The following DNAH3 variants were observed in gnomAD, a reference collection of about 807,000 sequenced individuals.
The protein encoded by DNAH3 is dynein axonemal heavy chain 3, also known as axonemal beta dynein heavy chain 3.
In DNAH3, 332 loss-of-function variants were observed where a neutral mutation model predicts 432.5. That is an observed-to-expected ratio of 0.77 (90% CI 0.70 to 0.84). The LOEUF (loss-of-function observed/expected upper bound fraction) is 0.84, where lower values mean the gene tolerates loss of function less well. DNAH3 is among the 40% of genes least tolerant of loss of function. DNAH3 has a pLI of 0.00. For synonymous variants in DNAH3, 1,956 were observed against 1,900.2 expected, an observed-to-expected ratio of 1.03 and a Z score of -0.76; for missense variants, 4,861 against 5,114.0, an observed-to-expected ratio of 0.95 and a Z score of 1.51.
rs755522120 is a variant in DNAH3 at position 20,985,268 on chromosome 16, C to A, written c.7474G>T (p.Ala2492Ser). The A allele has an allele frequency of 2.0e-5, 32 of 1,613,944 alleles. No individual in the cohort carries two copies. Among genetic ancestry groups the A allele is most frequent in the Middle Eastern group, 1.6e-4 (1 of 6,084 alleles). Residue 2492 changes from alanine (A) to serine (S), a missense_variant, in exon 48 of 62, where the codon GCC becomes TCC. By Grantham distance (99) the Ala-to-Ser change is moderately conservative. Coordinates refer to ENST00000261383, the Ensembl canonical transcript of DNAH3. ...GATTCATCCTTGATCTGGTTGTCGG[C>A]GAAGAGGAACACGGTGCTCTTGGTG...
exon 18 of DNAH3, chr16:21,097,356 A>T (rs780674344): frequency 6.2e-7 from 1 of 1,613,498 alleles, no homozygotes; most frequent in East Asian, 2.2e-5. Context: ...ACCACATACC[A>T]TTCATCCATT....
At chr16:20,992,414 C>G (rs1412412145) in intron 44 of DNAH3, among the ~76,000 whole-genome samples, 2 of 151,890 alleles carry the variant, frequency 1.3e-5, no homozygotes, top group Non-Finnish European at 2.9e-5. Flanking sequence ...GGTGGGATCT[C>G]GGCTCACTGC....
At chr16:21,027,003 G>A in intron 38 of DNAH3, 24 bp downstream of exon 38, 4 of 1,572,582 alleles carry the variant, frequency 2.5e-6, no homozygotes, top group South Asian at 1.1e-5. Flanking sequence ...CTGTCCCCCG[G>A]GGTGCCAGTG....
chr16:21,009,011 T>C (rs1316646852), intron 41 of DNAH3, among the ~76,000 whole-genome samples: 2 of 152,240 alleles, frequency 1.3e-5, no homozygotes, highest in South Asian at 4.1e-4. Flanking sequence ...GCAACACTTT[T>C]AGAAAGCAAT....
intron 3 of DNAH3, among the ~76,000 whole-genome samples, chr16:21,141,918 G>A (rs966744199): frequency 2.0e-5 from 3 of 152,050 alleles, no homozygotes; most frequent in Non-Finnish European, 4.4e-5. Context: ...CGGGCATTGC[G>A]GCGAGCGCCT....
chr16:20,947,572 G>A (rs2084105491), intron 57 of DNAH3, among the ~76,000 whole-genome samples: 1 of 152,114 alleles, frequency 6.6e-6, no homozygotes, highest in African/African-American at 2.4e-5. Flanking sequence ...CTATCACCAG[G>A]TAGATGGTAT....
At chr16:21,055,581 C>G (rs2090104030) in intron 27 of DNAH3, among the ~76,000 whole-genome samples, 1 of 151,518 alleles carries the variant, frequency 6.6e-6, no homozygotes, top group Non-Finnish European at 1.5e-5. Context: ...CATGTTATTT[C>G]AAATTAAAGA....
At chr16:21,025,827 GGGT>G (rs1372146276) in intron 38 of DNAH3, among the ~76,000 whole-genome samples, 2 of 151,376 alleles carry the variant, frequency 1.3e-5, no homozygotes, top group African/African-American at 4.9e-5. Flanking sequence ...TTTGCCTCCT[GGGT>G]TCAAGCAATT....
chr16:21,021,112 C>T (rs974896469), intron 40 of DNAH3, among the ~76,000 whole-genome samples: 1 of 152,172 alleles, frequency 6.6e-6, no homozygotes, highest in Non-Finnish European at 1.5e-5. Context: ...AATTACAATA[C>T]ATTTTGCTTA....
At chr16:21,144,516 A>G (rs1301573520) in intron 3 of DNAH3, among the ~76,000 whole-genome samples, 1 of 152,150 alleles carries the variant, frequency 6.6e-6, no homozygotes, top group Non-Finnish European at 1.5e-5. Flanking sequence ...GCCTTGGTGT[A>G]TGCCTTGATT....
intron 44 of DNAH3, among the ~76,000 whole-genome samples, chr16:20,991,321 A>AGT (rs1487476593): frequency 6.6e-6 from 1 of 151,566 alleles, no homozygotes; most frequent in African/African-American, 2.4e-5. Context: ...TCTAGAGTGC[A>AGT]GTGGCACGAT....
exon 38 of DNAH3, chr16:21,027,092 G>A (rs1204918619): frequency 6.2e-7 from 1 of 1,613,856 alleles, no homozygotes; most frequent in East Asian, 2.2e-5. Context: ...TCATCTTGGA[G>A]TTCATCTGGA....
At chr16:21,066,429 G>A (rs140600126) in intron 24 of DNAH3, among the ~76,000 whole-genome samples, 2 of 151,882 alleles carry the variant, frequency 1.3e-5, no homozygotes, top group African/African-American at 4.8e-5. Context: ...GTGCACTGGT[G>A]CAATCTTGGC....
At chr16:21,017,843 A>G (rs918416613) in intron 41 of DNAH3, among the ~76,000 whole-genome samples, 1 of 152,174 alleles carries the variant, frequency 6.6e-6, no homozygotes, top group Admixed American at 6.5e-5. Flanking sequence ...TTATTATGAA[A>G]CATAATAATG....
chr16:20,991,248 TAAAAC>T (rs1206619850), intron 44 of DNAH3, among the ~76,000 whole-genome samples: 1 of 151,928 alleles, frequency 6.6e-6, no homozygotes, highest in African/African-American at 2.4e-5. Context: ...TTCTGCCAGT[TAAAAC>T]AACCACATGC....
chr16:21,037,778 C>T, exon 34 of DNAH3: 1 of 1,614,174 alleles, frequency 6.2e-7, no homozygotes, highest in Non-Finnish European at 8.5e-7. Flanking sequence ...AGAGGGACAT[C>T]TTGCGCTAAG....
chr16:21,015,058 C>T (rs781315470), intron 41 of DNAH3, among the ~76,000 whole-genome samples: 1 of 152,176 alleles, frequency 6.6e-6, no homozygotes, highest in Non-Finnish European at 1.5e-5. Flanking sequence ...CCAGCAATAG[C>T]ATGTCTATGT....
chr16:21,008,991 T>G (rs2087454219), intron 41 of DNAH3, among the ~76,000 whole-genome samples: 1 of 152,226 alleles, frequency 6.6e-6, no homozygotes, highest in Admixed American at 6.5e-5. Flanking sequence ...TACCTAGAAG[T>G]AAATCTGGTG....
chr16:20,952,599 T>G, intron 55 of DNAH3, 50 bp from the exon 56 acceptor site: 1 of 1,219,658 alleles, frequency 8.2e-7, no homozygotes, highest in Non-Finnish European at 1.2e-6. Context: ...GCTCTTAATT[T>G]CCACTCAAAG....
Sources: gnomAD v4.1 joint callset for allele counts (sites outside exome capture counted in the v4.1 genomes callset) on GRCh38, gnomAD v4.1.1 for gene constraint, MANE v1.5 for transcripts, NCBI Gene and HGNC (gene_info 2026-07-23, HGNC 2026-07-21) for gene names.